Variants in MOV10 observed in about 807,000 individuals in gnomAD.
The protein encoded by MOV10 is RNA helicase MOV-10.
A neutral mutation model predicts 108.4 loss-of-function variants in MOV10; 39 were observed. That is an observed-to-expected ratio of 0.36 (90% confidence interval 0.28 to 0.47). MOV10 has a LOEUF of 0.47. Among genes scored for constraint, MOV10 ranks in the 20% least tolerant of loss-of-function variants. MOV10 has a pLI of 1.00. For synonymous variants in MOV10, 490 were observed against 523.1 expected, an observed-to-expected ratio of 0.94 and a Z score of 0.86; for missense variants, 952 against 1,297.6, an observed-to-expected ratio of 0.73 and a Z score of 4.09.
At position 112,694,189 on chromosome 1, in the gene MOV10, C is replaced by A. The variant is rs746586323; in HGVS notation, c.1295+17C>A. On this transcript the variant is annotated intron_variant, in intron 8 of 20. Coordinates refer to ENST00000369645, the MANE Select transcript of MOV10 (RefSeq NM_001321324.2). The surrounding 1 kb of genome is among the most constrained non-coding windows in gnomAD (Gnocchi z 4.1). The stretch of plus-strand genomic sequence containing the variant: ...TTCCATGAGGTGGGTGTTGGGGGAA[C>A]CCTGAGCTGCTGGAAGGGTCTACAG... 1 of 1,613,990 alleles carries A rather than the reference C, an allele frequency of 6.2e-7. No individual in the cohort carries two copies.
intron 2 of MOV10, among the ~76,000 whole-genome samples, chr1:112,686,082 G>A (rs1407424546): frequency 6.6e-6 from 1 of 152,180 alleles, no homozygotes; most frequent in African/African-American, 2.4e-5. Context: ...GCACTTCCCA[G>A]TTTGTTCAGT....
At chr1:112,692,127 C>T (rs913063566) in intron 6 of MOV10, among the ~76,000 whole-genome samples, 2 of 152,076 alleles carry the variant, frequency 1.3e-5, no homozygotes, top group African/African-American at 4.8e-5. Context: ...CCCAAGAGTT[C>T]AAGACCAGCC....
At chr1:112,696,065 T>C in intron 11 of MOV10, 83 bp from the exon 12 acceptor site, 1 of 906,474 alleles carries the variant, frequency 1.1e-6, no homozygotes, top group Non-Finnish European at 1.8e-6. Flanking sequence ...AAATAATTGT[T>C]TGAGGGGGGG....
chr1:112,695,706 T>A, intron 11 of MOV10, 132 bp downstream of exon 11: 1 of 790,144 alleles, frequency 1.3e-6, no homozygotes, highest in Non-Finnish European at 1.8e-6. Flanking sequence ...ACAGGACCCC[T>A]CCCTGGGCCT....
chr1:112,696,790 G>A lies in MOV10; in HGVS notation c.2142G>A (p.Lys714=). Residue 714 remains lysine (K), a synonymous_variant, in exon 14 of 21, where the codon AAG becomes AAA. Transcript: ENST00000369645. ...TGCTCACCTACAACTCCCTGTACAA[G>A]AAGGGCCCTGATGGCTATGACCCCC... ...ERLLTYNSLY[K]KGPDGYDPQF... The A allele has an allele frequency of 1.2e-6, 2 of 1,606,018 alleles. No individual in the cohort carries two copies. Among genetic ancestry groups the A allele is most frequent in the Non-Finnish European group, 1.7e-6 (2 of 1,175,926 alleles).
intron 2 of MOV10, among the ~76,000 whole-genome samples, chr1:112,680,687 G>T (rs1367957813): frequency 7.2e-6 from 1 of 138,810 alleles, no homozygotes; most frequent in African/African-American, 2.6e-5. Flanking sequence ...AACTTTTGGT[G>T]ATCACCTTTT....
Position 112,696,231 on chromosome 1 carries a change from C to T in MOV10, c.1863C>T (p.Thr621=). 2 of 1,612,538 alleles carry T rather than the reference C, an allele frequency of 1.2e-6. No homozygotes were observed. The highest frequency in any genetic ancestry group is 1.7e-4 in the Middle Eastern group (1 of 6,058). Residue 621 remains threonine (T), a synonymous_variant, in exon 12 of 21, where the codon ACC becomes ACT. Coordinates refer to ENST00000369645, the MANE Select transcript of MOV10 (RefSeq NM_001321324.2). ...KKLQEYRVLI[T]TLITAGRLVS... The stretch of plus-strand genomic sequence containing the variant: ...TGCAGGAATACCGGGTCTTAATTAC[C>T]ACCCTCATCACTGCCGGCAGGTGGG...
At position 112,694,677 on chromosome 1, in the gene MOV10, C is replaced by CA. The variant is rs1673901321; in HGVS notation, c.1472+49dup. The CA allele has an allele frequency of 6.3e-7, 1 of 1,592,828 alleles. No individual in the cohort carries two copies. Among genetic ancestry groups the CA allele is most frequent in the African/African-American group, 1.3e-5 (1 of 74,610 alleles). ...TCTGGAGCCACTTGGAGTGTGGGCA[C>CA]AGGGGGTGGAGTCAGGGAGGCCTCT... On this transcript the variant is annotated intron_variant, in intron 9 of 20. Transcript: ENST00000369645. This position sits in a 1 kb window ranked among gnomAD's most constrained non-coding sequence, Gnocchi z 4.1.
At chr1:112,684,661 C>T (rs112352525) in intron 2 of MOV10, among the ~76,000 whole-genome samples, 1 of 152,178 alleles carries the variant, frequency 6.6e-6, no homozygotes, top group Non-Finnish European at 1.5e-5. Flanking sequence ...ACTCTTCTAC[C>T]AGCAATTTAT....
rs759227126 is a variant in MOV10 at position 112,700,442 on chromosome 1, C to G, written c.2947C>G (p.Gln983Glu). 9.5e-5 allele frequency: 153 copies of G among 1,613,658 alleles called. No homozygotes were observed. Among genetic ancestry groups the G allele is most frequent in the Non-Finnish European group, 1.2e-4 (137 of 1,179,868 alleles). The stretch of plus-strand genomic sequence containing the variant: ...GCCCCACAGCCATGACTACCTCCCC[C>G]AGGAGCGGGAGGGTGAAGGGGGCCT... ...SGPHSHDYLPQEREGEGGLSL... is the reference protein window; with the variant it reads ...SGPHSHDYLPEEREGEGGLSL... Residue 983 changes from glutamine (Q) to glutamate (E), a missense_variant, in exon 21 of 21, where the codon CAG becomes GAG. By Grantham distance (29) the Gln-to-Glu change is conservative (BLOSUM62 2). Around this residue, in one of 5 missense-constraint regions of MOV10, gnomAD observed 42 missense variants for 36.5 expected, o/e 1.15. Transcript: ENST00000369645.
chr1:112,689,309 C>T, intron 3 of MOV10, 106 bp from the exon 4 acceptor site: 3 of 1,265,666 alleles, frequency 2.4e-6, no homozygotes, highest in Non-Finnish European at 3.3e-6. Context: ...GTTTCCTAAG[C>T]ACAGCTGGCA....
rs1254114452 is a variant in MOV10, at chr1:112,698,329, C to T, written c.2359C>T (p.Arg787Cys). 6.2e-7 allele frequency: 1 copy of T among 1,614,164 alleles called. No individual in the cohort carries two copies. Reference sequence around the variant, plus strand: ...TCACGGCGTAATGGGCAAAGATGAGCGTGAAGGCAACAGCCCATCCTTCTT... The same window carrying T: ...TCACGGCGTAATGGGCAAAGATGAGTGTGAAGGCAACAGCCCATCCTTCTT... ...IFHGVMGKDE[R>C]EGNSPSFFNP... The change falls in exon 16 of 21, where the codon CGT becomes TGT. Residue 787 changes from arginine to cysteine, a missense_variant. Transcript: ENST00000369645.
chr1:112,675,240 C>T lies in MOV10; in HGVS notation c.137+191C>T, dbSNP rs1320759659. On this transcript the variant is annotated intron_variant, in intron 2 of 20. Coordinates refer to ENST00000369645, the MANE Select transcript of MOV10 (RefSeq NM_001321324.2). This position sits in a 1 kb window ranked among gnomAD's most constrained non-coding sequence, Gnocchi z 4.7. ...CGCCCCACCAGCGCCGCCCGGAGCCCGCCAGTTCTGCCCGAGCTGGGCCCC... is the reference window on the plus strand; with the variant it reads ...CGCCCCACCAGCGCCGCCCGGAGCCTGCCAGTTCTGCCCGAGCTGGGCCCC... Among the ~76,000 whole-genome samples the T allele has an allele frequency of 1.3e-5, 2 of 151,934 alleles. No homozygotes were observed. Among genetic ancestry groups the T allele is most frequent in the African/African-American group, 4.8e-5 (2 of 41,402 alleles).
chr1:112,690,848 T>C (rs1310685709), intron 5 of MOV10, among the ~76,000 whole-genome samples: 5 of 152,232 alleles, frequency 3.3e-5, no homozygotes, highest in Admixed American at 3.3e-4. Context: ...CCCACTTTGT[T>C]CAGCCCTAAG....
At chr1:112,690,178 C>T (rs1673457821) in intron 5 of MOV10, 80 bp downstream of exon 5, 3 of 1,521,212 alleles carry the variant, frequency 2.0e-6, no homozygotes, top group South Asian at 2.6e-5. Context: ...GAGCACAGAG[C>T]TGGGAGCCAG....
At chr1:112,688,626 T>C in intron 2 of MOV10, 1 of 1,273,130 alleles carries the variant, frequency 7.9e-7, no homozygotes, top group African/African-American at 1.5e-5. Context: ...TATGTCTTTC[T>C]CTGTCTTCCC....
chr1:112,695,042 G>A (rs1203281095), intron 10 of MOV10, 146 bp downstream of exon 10: 4 of 1,000,910 alleles, frequency 4.0e-6, no homozygotes, highest in African/African-American at 1.6e-5. Flanking sequence ...GGGTGCAGTG[G>A]CTCATGCCTG....
At chr1:112,682,044 C>T (rs1304726672) in intron 2 of MOV10, among the ~76,000 whole-genome samples, 3 of 151,870 alleles carry the variant, frequency 2.0e-5, no homozygotes, top group African/African-American at 4.8e-5. Flanking sequence ...TACAGGCATG[C>T]GCCACCATGC....
chr1:112,691,473 TAGATA>T, intron 5 of MOV10, among the ~76,000 whole-genome samples, 187 bp from the exon 6 acceptor site: 1 of 152,300 alleles, frequency 6.6e-6, no homozygotes, highest in Middle Eastern at 3.4e-3. Context: ...ATTTATTACT[TAGATA>T]ATAGTTTTAA....
Sources: allele counts gnomAD v4.1 joint callset (sites outside exome capture counted in the v4.1 genomes callset), GRCh38; gene constraint gnomAD v4.1.1; regional missense constraint gnomAD v4.1.1; non-coding constraint Gnocchi (gnomAD v3.1); transcripts MANE v1.5; gene names NCBI Gene and HGNC (gene_info 2026-07-23, HGNC 2026-07-21).